WRN: variants seen among roughly 807,000 people sequenced by gnomAD.
The protein encoded by WRN is bifunctional 3'-5' exonuclease/ATP-dependent helicase WRN.
In WRN, 149 loss-of-function variants were observed where a neutral mutation model predicts 180.7. The observed-to-expected ratio is 0.82, with a 90% CI of 0.72 to 0.94. The LOEUF is 0.94. WRN is among the 40% of genes least tolerant of loss of function. WRN has a pLI of 0.00. For synonymous variants in WRN, 548 were observed against 568.9 expected, an observed-to-expected ratio of 0.96 and a Z score of 0.52; for missense variants, 1,661 against 1,700.1, an observed-to-expected ratio of 0.98 and a Z score of 0.40.
At chr8:31,106,239 G>A (rs79780070) in intron 18 of WRN, among the ~76,000 whole-genome samples, 3,713 of 152,080 alleles carry the variant, frequency 0.024, 134 homozygotes, top group African/African-American at 0.085. Flanking sequence ...CCCCAGGTAC[G>A]GGCCACCATC....
chr8:31,067,011 G>T, intron 5 of WRN, 22 bp from the exon 6 acceptor site: 1 of 1,613,132 alleles, frequency 6.2e-7, no homozygotes. Context: ...ATTTTACTGT[G>T]TTGCTTTTTC....
At chr8:31,103,727 A>T (rs1402330465) in intron 18 of WRN, among the ~76,000 whole-genome samples, 1 of 151,020 alleles carries the variant, frequency 6.6e-6, no homozygotes, top group Non-Finnish European at 1.5e-5. Context: ...AAGGTTCTTT[A>T]TTTTTTTTTA....
At chr8:31,123,788 A>G (rs1801814978) in intron 21 of WRN, among the ~76,000 whole-genome samples, 1 of 152,122 alleles carries the variant, frequency 6.6e-6, no homozygotes, top group Non-Finnish European at 1.5e-5. Context: ...GGAGATTGTC[A>G]TCATCTGATA....
chr8:31,145,909 A>G (rs1284341297), intron 28 of WRN, among the ~76,000 whole-genome samples: 1 of 152,150 alleles, frequency 6.6e-6, no homozygotes, highest in East Asian at 1.9e-4. Context: ...ATTTAAATAT[A>G]TGGGCTTAGT....
chr8:31,111,725 A>G lies in WRN; in HGVS notation c.2199A>G (p.Pro733=). The G allele has an allele frequency of 6.2e-7, 1 of 1,614,098 alleles. No homozygotes were observed. The highest frequency in any genetic ancestry group is 8.5e-7 in the Non-Finnish European group (1 of 1,179,984). The change falls in exon 19 of 35, where the codon CCA becomes CCG. Residue 733 remains proline (P), a synonymous_variant. Coordinates refer to ENST00000298139, the MANE Select transcript of WRN (RefSeq NM_000553.6). ...PQITCTGFDR[P]NLYLEVRRKT... is the part of the protein sequence containing the mutation. ...TCACCTGTACTGGTTTTGATCGACC[A>G]AACCTGTATTTAGAAGTTAGGCGAA...
intron 6 of WRN, among the ~76,000 whole-genome samples, chr8:31,067,813 T>C (rs1812769837): frequency 6.6e-6 from 1 of 152,204 alleles, no homozygotes; most frequent in African/African-American, 2.4e-5. Flanking sequence ...TTATTGTTTC[T>C]CCTTTGCATC....
At chr8:31,046,245 A>G (rs1045782164) in intron 1 of WRN, among the ~76,000 whole-genome samples, 10 of 152,138 alleles carry the variant, frequency 6.6e-5, no homozygotes, top group African/African-American at 2.4e-4. Flanking sequence ...AAATAGATAA[A>G]ATTACTTGTC....
At chr8:31,147,297 C>G in intron 29 of WRN, 67 bp from the exon 30 acceptor site, 2 of 1,535,086 alleles carry the variant, frequency 1.3e-6, no homozygotes, top group Non-Finnish European at 9.0e-7. Flanking sequence ...ATCTGAAGCT[C>G]TAAAAATAAA....
chr8:31,075,223 G>T lies in WRN; in HGVS notation c.725-950G>T, dbSNP rs551592423. Among the ~76,000 whole-genome samples, 9 of 152,320 alleles carry T rather than the reference G, an allele frequency of 5.9e-5. No homozygotes were observed. The South Asian group carries it at 1.9e-3, about 32-fold the overall frequency. Reference sequence around the variant, plus strand: ...AAGATAACTGTAGTAATCAGGAATAGCAGGTTTTGTAGCTCTGTCTCATAG... The same window carrying T: ...AAGATAACTGTAGTAATCAGGAATATCAGGTTTTGTAGCTCTGTCTCATAG... On this transcript the variant is annotated intron_variant, in intron 7 of 34. Coordinates refer to ENST00000298139, the MANE Select transcript of WRN (RefSeq NM_000553.6).
chr8:31,147,056 C>T lies in WRN; in HGVS notation c.3387C>T (p.Ile1129=). The change falls in exon 29 of 35, where the codon ATC becomes ATT. Residue 1129 remains isoleucine (I), a synonymous_variant. Coordinates refer to ENST00000298139, the MANE Select transcript of WRN (RefSeq NM_000553.6). ...TATTTTCTTTTAAATATTTTAGTAT[C>T]ATGGTACAGTCACCAGAAAAAGCTT... ...SSGSNISKKS[I]MVQSPEKAYS... 1 of 1,612,054 alleles carries T rather than the reference C, an allele frequency of 6.2e-7. No individual in the cohort carries two copies. The highest frequency in any genetic ancestry group is 2.2e-5 in the East Asian group (1 of 44,784).
At chr8:31,055,052 T>C (rs192785831) in intron 1 of WRN, among the ~76,000 whole-genome samples, 2 of 152,350 alleles carry the variant, frequency 1.3e-5, no homozygotes, top group East Asian at 3.9e-4. Flanking sequence ...TACATGATCG[T>C]GTTCCTTTTT....
rs1217674918 is a variant in WRN at position 31,174,094 on chromosome 8, T to C, written c.*992T>C. On this transcript the variant is annotated 3_prime_UTR_variant, in exon 35 of 35. Coordinates refer to ENST00000298139, the MANE Select transcript of WRN (RefSeq NM_000553.6). The stretch of plus-strand genomic sequence containing the variant: ...TAGTAGCTAATCACAGTCAACCTCT[T>C]TTGTGTATCCCACCAGACTTTTTTA... Among the ~76,000 whole-genome samples the C allele has an allele frequency of 6.6e-6, 1 of 152,222 alleles. No homozygotes were observed. Among genetic ancestry groups the C allele is most frequent in the African/African-American group, 2.4e-5 (1 of 41,450 alleles).
intron 17 of WRN, among the ~76,000 whole-genome samples, chr8:31,100,176 A>T (rs1240859849): frequency 5.9e-5 from 9 of 152,216 alleles, no homozygotes; most frequent in Non-Finnish European, 1.3e-4. Context: ...TTACAATAAC[A>T]TCCTTTTCTG....
At position 31,116,143 on chromosome 8, in the gene WRN, TG is replaced by T. The variant is rs533401194; in HGVS notation, c.2274-207del. On this transcript the variant is annotated intron_variant, in intron 19 of 34. Coordinates refer to ENST00000298139, the MANE Select transcript of WRN (RefSeq NM_000553.6). The stretch of plus-strand genomic sequence containing the variant: ...AACTGAAACAGTCAAAACTGAGTTT[TG>T]GGGACTTCACACAATTCATTTGGAT... Among the ~76,000 whole-genome samples the T allele has an allele frequency of 5.0e-3, 754 of 152,310 alleles. 7 individuals are homozygous for T. Among genetic ancestry groups the T allele is most frequent in the African/African-American group, 0.017 (686 of 41,570 alleles).
At chr8:31,094,067 A>G (rs1249817341) in intron 16 of WRN, among the ~76,000 whole-genome samples, 4 of 152,214 alleles carry the variant, frequency 2.6e-5, no homozygotes, top group African/African-American at 9.6e-5. Flanking sequence ...GAACATTCGT[A>G]TGTAAGTCTT....
intron 1 of WRN, among the ~76,000 whole-genome samples, chr8:31,046,609 T>C (rs2129943699): frequency 6.6e-6 from 1 of 152,348 alleles, no homozygotes; most frequent in East Asian, 1.9e-4. Context: ...TGTTTTAGGC[T>C]AGCTCCTCAG....
chr8:31,173,654 A>C lies in WRN; in HGVS notation c.*552A>C, dbSNP rs1350159881. 1 of 168,958 alleles carries C rather than the reference A, an allele frequency of 5.9e-6. No individual in the cohort carries two copies. The highest frequency in any genetic ancestry group is 1.3e-5 in the Non-Finnish European group (1 of 78,220). The allele number at this position is 168,958 out of a possible 1,614,324, so 10.5% of individuals were successfully genotyped here. On this transcript the variant is annotated 3_prime_UTR_variant, in exon 35 of 35. Transcript: ENST00000298139. Reference sequence around the variant, plus strand: ...TTAAATAGGGAAAAAACATGTAAAAAATGTAAAATGGAGACCAATTGCACT... The same window carrying C: ...TTAAATAGGGAAAAAACATGTAAAACATGTAAAATGGAGACCAATTGCACT...
intron 17 of WRN, among the ~76,000 whole-genome samples, chr8:31,099,706 T>G (rs1406902275): frequency 6.6e-6 from 1 of 152,140 alleles, no homozygotes; most frequent in Non-Finnish European, 1.5e-5. Context: ...GATTGTATTT[T>G]ATTAGTCTTT....
intron 18 of WRN, among the ~76,000 whole-genome samples, chr8:31,101,769 A>G (rs540819608): frequency 6.7e-6 from 1 of 148,318 alleles, no homozygotes; most frequent in Non-Finnish European, 1.5e-5. Flanking sequence ...CCTGGGCAAC[A>G]AGAGCGAAAC....
Sources: allele counts gnomAD v4.1 joint callset (sites outside exome capture counted in the v4.1 genomes callset), GRCh38; gene constraint gnomAD v4.1.1; transcripts MANE v1.5; gene names NCBI Gene and HGNC (gene_info 2026-07-23, HGNC 2026-07-21).